The following ADAM18 variants were observed in gnomAD, a reference collection of about 807,000 sequenced individuals.
ADAM18 encodes the protein ADAM metallopeptidase domain 18.
Under a neutral mutation model 94.4 loss-of-function variants are expected in ADAM18, and 117 were observed. The ratio of observed to expected loss-of-function variants is 1.24; its 90% CI spans 1.07 to 1.45. The LOEUF (loss-of-function observed/expected upper bound fraction) is 1.45, where lower values mean the gene tolerates loss of function less well. Among genes scored for constraint, ADAM18 ranks in the 40% most tolerant of loss-of-function variants. The pLI, the probability that ADAM18 is intolerant of heterozygous loss-of-function variation, is 0.00. For synonymous variants in ADAM18, 327 were observed against 291.6 expected (o/e 1.12, Z -1.24); for missense variants, 936 against 880.0 (o/e 1.06, Z -0.81).
intron 6 of ADAM18, among the ~76,000 whole-genome samples, chr8:39,622,666 T>C (rs968276095): frequency 3.9e-5 from 6 of 152,104 alleles, no homozygotes. Flanking sequence ...CAATCAAACT[T>C]ATTAATTTTT....
intron 18 of ADAM18, among the ~76,000 whole-genome samples, chr8:39,712,439 T>C (rs989496893): frequency 4.6e-5 from 7 of 152,064 alleles, no homozygotes; most frequent in Non-Finnish European, 1.0e-4. Context: ...GAAGTTCTGG[T>C]CAGGGCAATC....
intron 7 of ADAM18, among the ~76,000 whole-genome samples, chr8:39,636,063 G>C (rs1352716534): frequency 3.4e-5 from 5 of 147,850 alleles, no homozygotes; most frequent in Admixed American, 2.0e-4. Context: ...CTCTCATGCA[G>C]CCTGGAGTGC....
chr8:39,719,274 T>C (rs1327447462), intron 18 of ADAM18, among the ~76,000 whole-genome samples: 1 of 151,436 alleles, frequency 6.6e-6, no homozygotes. Flanking sequence ...AGAATAATTA[T>C]ATATTTATAT....
At chr8:39,598,461 G>A (rs112126501) in intron 2 of ADAM18, among the ~76,000 whole-genome samples, 113 of 151,986 alleles carry the variant, frequency 7.4e-4, no homozygotes, top group African/African-American at 2.5e-3. Context: ...TATCGCCATC[G>A]TTATTATTAT....
chr8:39,695,136 G>C (rs1250748674), intron 17 of ADAM18, among the ~76,000 whole-genome samples: 2 of 151,382 alleles, frequency 1.3e-5, no homozygotes, highest in African/African-American at 4.8e-5. Flanking sequence ...TCTATTAAAG[G>C]ACAATGTGGG....
At chr8:39,663,318 G>T (rs1820894744) in intron 12 of ADAM18, among the ~76,000 whole-genome samples, 1 of 151,264 alleles carries the variant, frequency 6.6e-6, no homozygotes, top group East Asian at 1.9e-4. Context: ...GTCTGGCATG[G>T]TGGCTAACTC....
At chr8:39,654,449 G>A (rs1385798347) in intron 12 of ADAM18, among the ~76,000 whole-genome samples, 3 of 146,602 alleles carry the variant, frequency 2.0e-5, no homozygotes, top group African/African-American at 8.3e-5. Flanking sequence ...TTTGTTGATG[G>A]GCTCAGGTTG....
intron 12 of ADAM18, among the ~76,000 whole-genome samples, chr8:39,651,725 A>T (rs965790769): frequency 6.6e-6 from 1 of 152,186 alleles, no homozygotes; most frequent in Admixed American, 6.5e-5. Context: ...TTCTACATAG[A>T]CACAGTAACA....
chr8:39,705,646 A>G (rs1344024093), intron 17 of ADAM18, among the ~76,000 whole-genome samples: 1 of 152,206 alleles, frequency 6.6e-6, no homozygotes, highest in Non-Finnish European at 1.5e-5. Context: ...TATAAAATAG[A>G]ATACTACTTC....
intron 2 of ADAM18, among the ~76,000 whole-genome samples, chr8:39,593,683 T>G (rs910029667): frequency 6.6e-6 from 1 of 152,160 alleles, no homozygotes; most frequent in Non-Finnish European, 1.5e-5. Context: ...AGGTTTTGCT[T>G]CTTATATTTT....
intron 7 of ADAM18, among the ~76,000 whole-genome samples, chr8:39,634,932 G>A (rs1820038909): frequency 6.6e-6 from 1 of 152,032 alleles, no homozygotes; most frequent in South Asian, 2.1e-4. Flanking sequence ...GGAATGTTAG[G>A]GTTTGAATAT....
intron 14 of ADAM18, among the ~76,000 whole-genome samples, chr8:39,670,700 T>G (rs1436050070): frequency 6.6e-6 from 1 of 152,188 alleles, no homozygotes; most frequent in African/African-American, 2.4e-5. Context: ...AACCTATAGC[T>G]GTGTTCTTTG....
chr8:39,712,154 T>C (rs1161414790), intron 18 of ADAM18, among the ~76,000 whole-genome samples: 1 of 150,820 alleles, frequency 6.6e-6, no homozygotes, highest in African/African-American at 2.4e-5. Flanking sequence ...TCACGTTCAA[T>C]GTTAATATCC....
chr8:39,664,026 C>A, intron 13 of ADAM18, 136 bp downstream of exon 13: 1 of 624,102 alleles, frequency 1.6e-6, no homozygotes, highest in South Asian at 2.4e-5. Context: ...TGAACAAACA[C>A]AAGTTTAAAG....
At chr8:39,591,729 G>A (rs745388687) in intron 2 of ADAM18, among the ~76,000 whole-genome samples, 1 of 152,066 alleles carries the variant, frequency 6.6e-6, no homozygotes, top group Non-Finnish European at 1.5e-5. Flanking sequence ...TCCATGAATC[G>A]TGAATTGTCT....
chr8:39,692,962 C>A (rs1189752077), intron 17 of ADAM18, among the ~76,000 whole-genome samples: 1 of 151,612 alleles, frequency 6.6e-6, no homozygotes, highest in Admixed American at 6.6e-5. Context: ...GAACATATTT[C>A]TTCTCCCACA....
At chr8:39,653,980 C>T (rs1353022773) in intron 12 of ADAM18, among the ~76,000 whole-genome samples, 3 of 152,080 alleles carry the variant, frequency 2.0e-5, no homozygotes, top group Non-Finnish European at 4.4e-5. Flanking sequence ...TCCCACTTCC[C>T]TTCCCAGCCT....
Position 39,585,269 on chromosome 8 carries a change from A to G in ADAM18, c.56-7A>G. On this transcript the variant is annotated splice_region_variant and splice_polypyrimidine_tract_variant and intron_variant, in intron 1 of 19. Coordinates refer to ENST00000265707, the MANE Select transcript of ADAM18 (RefSeq NM_014237.3). ...AAGACAAAAACAAACACATTTTCTT[A>G]CTGCAGGTTCTGAAGGAATATTTCT... is the stretch of plus-strand genomic sequence containing the variant. 19 of 1,608,548 alleles carry G rather than the reference A, an allele frequency of 1.2e-5. No homozygotes were observed. Among genetic ancestry groups the G allele is most frequent in the Non-Finnish European group, 1.5e-5 (18 of 1,176,448 alleles).
intron 18 of ADAM18, among the ~76,000 whole-genome samples, chr8:39,718,766 A>ACTT (rs922307877): frequency 1.3e-5 from 2 of 151,586 alleles, no homozygotes; most frequent in African/African-American, 2.4e-5. Context: ...AAAATAAAAT[A>ACTT]CTTGCAAATA....
Sources: allele counts gnomAD v4.1 joint callset (sites outside exome capture counted in the v4.1 genomes callset), GRCh38; gene constraint gnomAD v4.1.1; transcripts MANE v1.5; gene names NCBI Gene and HGNC (gene_info 2026-07-23, HGNC 2026-07-21).